Variants in PCCA observed in about 807,000 individuals in gnomAD.
PCCA encodes the protein propionyl-CoA carboxylase alpha chain, mitochondrial.
A neutral mutation model predicts 101.3 loss-of-function variants in PCCA; 74 were observed. That is an observed-to-expected ratio of 0.73 (90% CI 0.61 to 0.89). The LOEUF is 0.89. Ranked by LOEUF, PCCA falls within the 40% of genes least tolerant of loss-of-function variation. The pLI is 0.00. For synonymous variants in PCCA, 294 were observed against 313.6 expected (o/e 0.94, Z 0.66); for missense variants, 891 against 907.0 (o/e 0.98, Z 0.23).
chr13:100,341,578 CTT>C, intron 18 of PCCA, among the ~76,000 whole-genome samples: 1 of 152,342 alleles, frequency 6.6e-6, no homozygotes, highest in East Asian at 1.9e-4. Flanking sequence ...CTCTAAGAGG[CTT>C]TCCACCACAG....
At chr13:100,157,608 G>A (rs1186849065) in intron 6 of PCCA, among the ~76,000 whole-genome samples, 1 of 152,130 alleles carries the variant, frequency 6.6e-6, no homozygotes, top group African/African-American at 2.4e-5. Context: ...TTGAATTAAA[G>A]TTAAAAACTT....
At chr13:100,090,716 T>C (rs2046203925) in intron 1 of PCCA, among the ~76,000 whole-genome samples, 1 of 152,214 alleles carries the variant, frequency 6.6e-6, no homozygotes. Flanking sequence ...AGATTTTGAA[T>C]TCTGTGTTCT....
intron 20 of PCCA, among the ~76,000 whole-genome samples, chr13:100,438,548 A>T (rs150135347): frequency 6.6e-6 from 1 of 152,134 alleles, no homozygotes; most frequent in East Asian, 1.9e-4. Flanking sequence ...TGATCTTACC[A>T]CACAAATTAT....
chr13:100,204,422 G>A (rs2058731418), intron 6 of PCCA, among the ~76,000 whole-genome samples: 1 of 152,354 alleles, frequency 6.6e-6, no homozygotes, highest in East Asian at 1.9e-4. Context: ...TTACAGGCGT[G>A]ACCCACTGTG....
At chr13:100,145,266 A>G (rs2052389834) in intron 4 of PCCA, among the ~76,000 whole-genome samples, 1 of 152,214 alleles carries the variant, frequency 6.6e-6, no homozygotes, top group South Asian at 2.1e-4. Context: ...TGTTCACATT[A>G]TGGGTTAGAG....
At chr13:100,401,597 A>G (rs1025298097) in intron 19 of PCCA, among the ~76,000 whole-genome samples, 1 of 151,750 alleles carries the variant, frequency 6.6e-6, no homozygotes, top group East Asian at 1.9e-4. Context: ...GGAGGCCTTC[A>G]TGAGTGAATG....
intron 6 of PCCA, among the ~76,000 whole-genome samples, chr13:100,162,080 A>G (rs920066075): frequency 1.4e-3 from 210 of 146,936 alleles, no homozygotes; most frequent in African/African-American, 4.7e-3. Flanking sequence ...GTGTGTCTGT[A>G]TGTGTGTGTG....
At chr13:100,195,653 A>T (rs1006855041) in intron 6 of PCCA, among the ~76,000 whole-genome samples, 4 of 152,156 alleles carry the variant, frequency 2.6e-5, no homozygotes, top group Non-Finnish European at 5.9e-5. Context: ...TGATAAAGGA[A>T]ATCTGTGGAG....
chr13:100,097,983 C>G (rs2046928069), intron 1 of PCCA, among the ~76,000 whole-genome samples: 1 of 151,970 alleles, frequency 6.6e-6, no homozygotes, highest in Middle Eastern at 3.2e-3. Flanking sequence ...ATGATCCTAT[C>G]ACTACACTTC....
At chr13:100,193,963 CG>C (rs1566676801) in intron 6 of PCCA, among the ~76,000 whole-genome samples, 1 of 151,318 alleles carries the variant, frequency 6.6e-6, no homozygotes. Flanking sequence ...CCCAGCTACT[CG>C]GGAGGCTGAG....
intron 19 of PCCA, among the ~76,000 whole-genome samples, chr13:100,417,397 T>C (rs949683440): frequency 1.3e-5 from 2 of 152,224 alleles, no homozygotes; most frequent in Non-Finnish European, 2.9e-5. Context: ...TTTTGGAGTT[T>C]ACACTTTTCA....
intron 16 of PCCA, among the ~76,000 whole-genome samples, chr13:100,317,399 T>C (rs2067484736): frequency 6.6e-6 from 1 of 152,202 alleles, no homozygotes; most frequent in Admixed American, 6.5e-5. Flanking sequence ...TTTTCTGATG[T>C]ATACCATCGA....
chr13:100,248,586 G>A (rs963596163), intron 8 of PCCA, among the ~76,000 whole-genome samples: 13 of 152,132 alleles, frequency 8.5e-5, no homozygotes, highest in African/African-American at 2.9e-4. Context: ...TTTGCTATCT[G>A]TGTTTCTTTT....
chr13:100,268,161 T>C (rs929539308), intron 10 of PCCA, among the ~76,000 whole-genome samples: 1 of 152,222 alleles, frequency 6.6e-6, no homozygotes, highest in Non-Finnish European at 1.5e-5. Context: ...GGAAAAACTA[T>C]TATGTTTGTA....
Position 100,505,024 on chromosome 13 carries a change from G to A in PCCA, c.1900-10403G>A, listed in dbSNP as rs1056325635. ...GAAGGAATCTGAGACATGGAAAGTC[G>A]ACCTTTCCCAAGCTTGTAAGTGGAA... On this transcript the variant is annotated intron_variant, in intron 21 of 23. Coordinates refer to ENST00000376285, the MANE Select transcript of PCCA (RefSeq NM_000282.4). Among the ~76,000 whole-genome samples the A allele has an allele frequency of 2.3e-4, 35 of 152,286 alleles. 1 individual carries two copies. Among genetic ancestry groups the A allele is most frequent in the Middle Eastern group, 6.8e-3 (2 of 294 alleles).
At chr13:100,402,556 G>A (rs890511575) in intron 19 of PCCA, among the ~76,000 whole-genome samples, 1 of 152,164 alleles carries the variant, frequency 6.6e-6, no homozygotes, top group Non-Finnish European at 1.5e-5. Context: ...AAGGAATAAT[G>A]CCCACCCTCA....
chr13:100,410,218 A>AT (rs1465104888), intron 19 of PCCA, among the ~76,000 whole-genome samples: 1 of 151,886 alleles, frequency 6.6e-6, no homozygotes, highest in Non-Finnish European at 1.5e-5. Context: ...TGCCAGGGAA[A>AT]TTTTTTTTGT....
intron 19 of PCCA, among the ~76,000 whole-genome samples, chr13:100,412,621 C>G (rs1234589218): frequency 6.6e-6 from 1 of 152,052 alleles, no homozygotes; most frequent in Non-Finnish European, 1.5e-5. Flanking sequence ...CCTGTATACT[C>G]TGTACAAGTG....
intron 6 of PCCA, among the ~76,000 whole-genome samples, chr13:100,199,200 A>C (rs921896705): frequency 2.6e-5 from 4 of 151,312 alleles, no homozygotes; most frequent in Non-Finnish European, 4.4e-5. Context: ...GTTTACCCTG[A>C]ATCCTGGAAA....
Sources: allele counts gnomAD v4.1 joint callset (sites outside exome capture counted in the v4.1 genomes callset), GRCh38; gene constraint gnomAD v4.1.1; transcripts MANE v1.5; gene names NCBI Gene and HGNC (gene_info 2026-07-23, HGNC 2026-07-21).